RAB11FIP3: variants seen among roughly 807,000 people sequenced by gnomAD.
RAB11FIP3 encodes the protein rab11 family-interacting protein 3.
In RAB11FIP3, 17 loss-of-function variants were observed where a neutral mutation model predicts 77.8. The ratio of observed to expected loss-of-function variants is 0.22; its 90% CI spans 0.15 to 0.33. The LOEUF is 0.33. Ranked by LOEUF, RAB11FIP3 falls within the 10% of genes least tolerant of loss-of-function variation. RAB11FIP3 has a pLI of 1.00. For synonymous variants in RAB11FIP3, 437 were observed against 448.2 expected (o/e 0.98, Z 0.31); for missense variants, 1,005 against 1,011.2 (o/e 0.99, Z 0.08).
chr16:427,038 C>A (rs373192586), intron 1 of RAB11FIP3, among the ~76,000 whole-genome samples: 1 of 151,958 alleles, frequency 6.6e-6, no homozygotes, highest in Non-Finnish European at 1.5e-5. Context: ...CTGATCGCCA[C>A]CCCCCCAGGG....
At position 438,932 on chromosome 16, in the gene RAB11FIP3, C is replaced by G. The variant is rs116676404; in HGVS notation, c.714+12212C>G. Among the ~76,000 whole-genome samples, 506 of 152,312 alleles carry G rather than the reference C, an allele frequency of 3.3e-3. 4 individuals are homozygous for G. Among genetic ancestry groups the G allele is most frequent in the African/African-American group, 0.012 (489 of 41,568 alleles). On this transcript the variant is annotated intron_variant, in intron 1 of 13. Transcript: ENST00000262305. ...CTCCATGTCTTGACCTTGTGATCCG[C>G]CCGCCTTGGCACCCAAAGTGCTGGG... is the stretch of plus-strand genomic sequence containing the variant.
At chr16:462,894 A>G (rs974389938) in intron 2 of RAB11FIP3, among the ~76,000 whole-genome samples, 10 of 150,746 alleles carry the variant, frequency 6.6e-5, no homozygotes, top group Middle Eastern at 3.4e-3. Context: ...CCCCAGCACA[A>G]TGTCTTCCCC....
Position 471,474 on chromosome 16 carries a change from G to A in RAB11FIP3, c.903+85G>A, listed in dbSNP as rs2055807455. 2.5e-6 allele frequency: 3 copies of A among 1,189,708 alleles called. No homozygotes were observed. Among genetic ancestry groups the A allele is most frequent in the Admixed American group, 2.0e-5 (1 of 50,262 alleles). 73.7% of individuals were successfully genotyped at this position (1,189,708 alleles called of 1,614,324 possible). Reference sequence around the variant, plus strand: ...CCTACAGCTCGTGCCTCCTGCCTCCGGGCTGTCTTCCGTAGAAGCTGGCGT... The same window carrying A: ...CCTACAGCTCGTGCCTCCTGCCTCCAGGCTGTCTTCCGTAGAAGCTGGCGT... On this transcript the variant is annotated intron_variant, in intron 3 of 13. Coordinates refer to ENST00000262305, the MANE Select transcript of RAB11FIP3 (RefSeq NM_014700.4). The surrounding 1 kb of genome is among the most constrained non-coding windows in gnomAD (Gnocchi z 4.4).
At chr16:465,558 C>G (rs374418663) in intron 2 of RAB11FIP3, among the ~76,000 whole-genome samples, 1 of 152,120 alleles carries the variant, frequency 6.6e-6, no homozygotes, top group African/African-American at 2.4e-5. Context: ...GAAGTAGATG[C>G]GAGCTTAGAG....
rs1437221547 is a variant in RAB11FIP3, at chr16:507,685, A to G, written c.1499+2058A>G. ...CCGTCTGCAGTGCAGCCCCGGCCAC[A>G]TTCAGTTCCTGTGGCTGTTCCCTGT... On this transcript the variant is annotated intron_variant, in intron 8 of 13. Coordinates refer to ENST00000262305, the MANE Select transcript of RAB11FIP3 (RefSeq NM_014700.4). This position sits in a 1 kb window ranked among gnomAD's most constrained non-coding sequence, Gnocchi z 4.6. Among the ~76,000 whole-genome samples, 1 of 152,254 alleles carries G rather than the reference A, an allele frequency of 6.6e-6. No individual in the cohort carries two copies. Among genetic ancestry groups the G allele is most frequent in the African/African-American group, 2.4e-5 (1 of 41,450 alleles).
intron 4 of RAB11FIP3, among the ~76,000 whole-genome samples, chr16:484,642 C>T (rs12928916): frequency 0.33 from 50,958 of 152,178 alleles, 10,514 homozygotes; most frequent in Middle Eastern, 0.48. Context: ...TGTGAGCCAC[C>T]GCGTCTGGCC....
intron 6 of RAB11FIP3, 57 bp from the exon 7 acceptor site, chr16:502,946 CG>C: frequency 2.2e-6 from 3 of 1,358,688 alleles, no homozygotes; most frequent in Non-Finnish European, 3.2e-6. Flanking sequence ...CTTGTGCTGA[CG>C]GAGCATGTCC....
intron 6 of RAB11FIP3, among the ~76,000 whole-genome samples, chr16:499,360 ACC>A: frequency 6.6e-6 from 1 of 152,232 alleles, no homozygotes; most frequent in Non-Finnish European, 1.5e-5. Context: ...GACATGAAAG[ACC>A]GGTCAAGGCC....
intron 1 of RAB11FIP3, among the ~76,000 whole-genome samples, chr16:443,654 C>T (rs1410174627): frequency 6.6e-6 from 1 of 152,206 alleles, no homozygotes; most frequent in Non-Finnish European, 1.5e-5. Flanking sequence ...CAACCTCTGC[C>T]TCCCAGGTTC....
intron 3 of RAB11FIP3, among the ~76,000 whole-genome samples, chr16:474,168 C>T (rs1430043830): frequency 2.0e-5 from 3 of 152,038 alleles, no homozygotes; most frequent in Non-Finnish European, 4.4e-5. Context: ...TGTGTTCCAT[C>T]CAGATACCCT....
intron 4 of RAB11FIP3, among the ~76,000 whole-genome samples, chr16:487,320 C>T (rs1462525722): frequency 6.6e-6 from 1 of 152,014 alleles, no homozygotes; most frequent in African/African-American, 2.4e-5. Flanking sequence ...TTAGTAGAGA[C>T]AGGGTTTCAC....
chr16:490,881 C>T (rs1283245571), intron 5 of RAB11FIP3, among the ~76,000 whole-genome samples: 1 of 152,184 alleles, frequency 6.6e-6, no homozygotes, highest in African/African-American at 2.4e-5. Flanking sequence ...GGCACCCGAC[C>T]CAGAGGAGCA....
chr16:475,007 G>A (rs377173071), intron 3 of RAB11FIP3: 79 of 1,551,618 alleles, frequency 5.1e-5, no homozygotes, highest in African/African-American at 4.8e-4. Context: ...ACGGAGACAC[G>A]ATGGGGAGCC....
At chr16:496,529 C>T (rs931845137) in intron 5 of RAB11FIP3, among the ~76,000 whole-genome samples, 11 of 152,306 alleles carry the variant, frequency 7.2e-5, no homozygotes, top group Admixed American at 2.6e-4. Flanking sequence ...GTGCAGCCAG[C>T]GGGTGGGACC....
intron 9 of RAB11FIP3, among the ~76,000 whole-genome samples, chr16:515,754 G>A (rs557007396): frequency 2.6e-4 from 40 of 152,214 alleles, no homozygotes; most frequent in South Asian, 1.5e-3. Context: ...TTTGCATCTC[G>A]GAACAGCCAC....
intron 4 of RAB11FIP3, among the ~76,000 whole-genome samples, chr16:483,147 G>C (rs1322678531): frequency 1.3e-5 from 2 of 152,158 alleles, no homozygotes; most frequent in Admixed American, 1.3e-4. Flanking sequence ...GAGCTAGTTG[G>C]GGCCGGAGTA....
chr16:508,248 C>G (rs187744563), intron 8 of RAB11FIP3, among the ~76,000 whole-genome samples: 1 of 152,312 alleles, frequency 6.6e-6, no homozygotes, highest in East Asian at 1.9e-4. Context: ...GACTGAGGAA[C>G]CTCTGGTGCC....
intron 2 of RAB11FIP3, among the ~76,000 whole-genome samples, chr16:469,656 C>T (rs2055775607): frequency 6.6e-6 from 1 of 152,118 alleles, no homozygotes; most frequent in Admixed American, 6.5e-5. Context: ...TCCCAAAGTG[C>T]TAGGATTACA....
chr16:490,258 G>C (rs7206760), intron 5 of RAB11FIP3, among the ~76,000 whole-genome samples: 23,330 of 152,248 alleles, frequency 0.15, 2,615 homozygotes, highest in African/African-American at 0.31. Flanking sequence ...TTGCCTTCGC[G>C]TCGCAGACGC....
Sources: allele counts gnomAD v4.1 joint callset (sites outside exome capture counted in the v4.1 genomes callset), GRCh38; gene constraint gnomAD v4.1.1; non-coding constraint Gnocchi (gnomAD v3.1); transcripts MANE v1.5; gene names NCBI Gene and HGNC (gene_info 2026-07-23, HGNC 2026-07-21).